The following MATK variants were observed in gnomAD, a reference collection of about 807,000 sequenced individuals.
MATK encodes megakaryocyte-associated tyrosine-protein kinase.
In MATK, 41 loss-of-function variants were observed where a neutral mutation model predicts 59.8. That is an observed-to-expected ratio of 0.69 (90% CI 0.53 to 0.89). The LOEUF (loss-of-function observed/expected upper bound fraction) is 0.89, where lower values mean the gene tolerates loss of function less well. Among genes scored for constraint, MATK ranks in the 40% least tolerant of loss-of-function variants. The probability of loss-of-function intolerance (pLI) is 0.00; values close to 1 mark genes in which losing one functional copy is unlikely to be tolerated. For missense variants in MATK, 593 were observed against 719.6 expected (o/e 0.82, Z 2.01); for synonymous variants, 308 against 306.1 (o/e 1.01, Z -0.06).
chr19:3,800,979 C>G (rs1221002306), intron 1 of MATK, among the ~76,000 whole-genome samples: 3 of 152,082 alleles, frequency 2.0e-5, no homozygotes, highest in Admixed American at 2.0e-4. Flanking sequence ...CCTGCCTCAG[C>G]CTCCTGAGTA....
chr19:3,784,260 G>T, intron 4 of MATK, 21 bp from the exon 5 acceptor site: 1 of 1,605,206 alleles, frequency 6.2e-7, no homozygotes, highest in Non-Finnish European at 8.5e-7. Flanking sequence ...GGAAGCACGG[G>T]GTTAGTGTGG....
intron 8 of MATK, among the ~76,000 whole-genome samples, chr19:3,780,365 T>C (rs2037383156): frequency 6.6e-6 from 1 of 152,170 alleles, no homozygotes; most frequent in African/African-American, 2.4e-5. Flanking sequence ...GGGCCAAATC[T>C]ACCTATCACC....
At position 3,778,219 on chromosome 19, in the gene MATK, G is replaced by A. The variant is rs373868622; in HGVS notation, c.1488C>T (p.Ala496=). 5.5e-4 allele frequency: 865 copies of A among 1,571,706 alleles called. 1 individual carries two copies. Among genetic ancestry groups the A allele is most frequent in the African/African-American group, 7.0e-4 (51 of 72,594 alleles). The change falls in exon 14 of 14, where the codon GCC becomes GCT. Residue 496 remains alanine, a synonymous_variant. Transcript: ENST00000310132. Reference sequence around the variant, plus strand: ...GGCTTCGGGGCGAGGTGGAGCCGTCGGCGTCCTGCCCTGAGACGGAGGCTG... The same window carrying A: ...GGCTTCGGGGCGAGGTGGAGCCGTCAGCGTCCTGCCCTGAGACGGAGGCTG... The part of the protein sequence containing the change: ...GAPASVSGQD[A]DGSTSPRSQE...
At chr19:3,797,206 A>C (rs1002123271) in intron 1 of MATK, among the ~76,000 whole-genome samples, 2 of 151,112 alleles carry the variant, frequency 1.3e-5, no homozygotes, top group African/African-American at 2.4e-5. Flanking sequence ...TCTTGGATTG[A>C]TGTTTTCATT....
At chr19:3,792,631 A>T (rs959652312) in intron 1 of MATK, among the ~76,000 whole-genome samples, 1 of 147,616 alleles carries the variant, frequency 6.8e-6, no homozygotes, top group Non-Finnish European at 1.5e-5. Context: ...CTCCTGCCTC[A>T]GCCTCCCGAG....
At chr19:3,788,116 T>G (rs1218473814), upstream of MATK, among the ~76,000 whole-genome samples, 1 of 146,486 alleles carries the variant, frequency 6.8e-6, no homozygotes, top group East Asian at 2.0e-4. Context: ...TATTATATTA[T>G]ATTATATTAT....
At chr19:3,791,581 G>T (rs1033774039) in intron 1 of MATK, among the ~76,000 whole-genome samples, 1 of 151,734 alleles carries the variant, frequency 6.6e-6, no homozygotes, top group Non-Finnish European at 1.5e-5. Flanking sequence ...GACCTCAGGC[G>T]ATCTGCCCGC....
In MATK at chr19:3,785,380, C is replaced by A. The variant is rs909154410; in HGVS notation, c.-151-94G>T. 10 of 856,008 alleles carry A rather than the reference C, an allele frequency of 1.2e-5. No individual in the cohort carries two copies. The East Asian group carries it at 2.6e-4, about 22-fold the overall frequency. The allele number at this position is 856,008 out of a possible 1,614,324, so 53.0% of individuals were successfully genotyped here. On this transcript the variant is annotated intron_variant, in intron 1 of 13. Coordinates refer to ENST00000310132, the MANE Select transcript of MATK (RefSeq NM_139355.3). ...CGTGGGGTGGAGCTGGGGGCAGGGG[C>A]GGGTCCTGTAGCCCTGCTGGGCTCC...
rs554442227 is a variant in MATK at position 3,795,582 on chromosome 19, A to G, written c.-58+5950T>C. 1.7e-3 allele frequency among the ~76,000 whole-genome samples: 261 copies of G among 151,468 alleles called. 1 individual carries two copies. Among genetic ancestry groups the G allele is most frequent in the African/African-American group, 6.2e-3 (254 of 41,266 alleles). On this transcript the variant is annotated intron_variant, in intron 1 of 13. Transcript: ENST00000395045. ...CATGCCCGGCCTCATATGACTTTTC[A>G]TATGTCATATAATATTGATTCCATT...
upstream of MATK, among the ~76,000 whole-genome samples, chr19:3,786,654 C>G (rs1289662593): frequency 6.6e-6 from 1 of 151,842 alleles, no homozygotes; most frequent in African/African-American, 2.4e-5. The surrounding 1 kb of genome is among the most constrained non-coding windows in gnomAD (Gnocchi z 4.1). Context: ...GCGCCAAGCC[C>G]GGACTCCCAG....
At chr19:3,800,529 C>T (rs989508175) in intron 1 of MATK, among the ~76,000 whole-genome samples, 6 of 151,934 alleles carry the variant, frequency 3.9e-5, no homozygotes, top group Non-Finnish European at 8.8e-5. Context: ...GCCTGTAATC[C>T]CAGCTACTCA....
chr19:3,795,927 A>G (rs1230468727), intron 1 of MATK, among the ~76,000 whole-genome samples: 1 of 151,314 alleles, frequency 6.6e-6, no homozygotes, highest in Non-Finnish European at 1.5e-5. Flanking sequence ...ACGCCTGGCT[A>G]ATTTTTGTAT....
chr19:3,790,936 G>T (rs1462420357), upstream of MATK, among the ~76,000 whole-genome samples: 1 of 152,156 alleles, frequency 6.6e-6, no homozygotes, highest in African/African-American at 2.4e-5. Context: ...TGCCTGAGAA[G>T]GAGGCCAGCC....
intron 10 of MATK, 22 bp from the exon 11 acceptor site, chr19:3,779,473 C>A: frequency 6.2e-7 from 1 of 1,612,672 alleles, no homozygotes; most frequent in Non-Finnish European, 8.5e-7. Flanking sequence ...GGGAGATGGC[C>A]GCGGGATGTT....
chr19:3,790,568 C>A (rs2037531226), upstream of MATK, among the ~76,000 whole-genome samples: 1 of 152,194 alleles, frequency 6.6e-6, no homozygotes, highest in Non-Finnish European at 1.5e-5. Context: ...ATCCAGGGCT[C>A]TTCATGTTTG....
In MATK at chr19:3,779,522, C is replaced by A. The variant is rs939080750; in HGVS notation, c.927+11G>T. ...TGCGTGGGCCCCCTCCCCGCCTGGG[C>A]CCCGCCCCACCTTGCTCACGTGCTC... On this transcript the variant is annotated intron_variant, in intron 10 of 13. Transcript: ENST00000310132. The A allele has an allele frequency of 1.2e-6, 2 of 1,610,776 alleles. No homozygotes were observed. Among genetic ancestry groups the A allele is most frequent in the Non-Finnish European group, 8.5e-7 (1 of 1,178,846 alleles).
At chr19:3,786,600 G>T (rs557431091), upstream of MATK, among the ~76,000 whole-genome samples, 808 of 141,406 alleles carry the variant, frequency 5.7e-3, 7 homozygotes, top group Non-Finnish European at 9.8e-3. The surrounding 1 kb of genome is among the most constrained non-coding windows in gnomAD (Gnocchi z 4.1). Flanking sequence ...GGCGGGGACC[G>T]GGGGTGAGGG....
At chr19:3,797,985 T>C (rs1383219588) in intron 1 of MATK, among the ~76,000 whole-genome samples, 1 of 151,962 alleles carries the variant, frequency 6.6e-6, no homozygotes, top group African/African-American at 2.4e-5. Flanking sequence ...AAGTTTGCAG[T>C]GAGCCAAGAA....
In MATK at chr19:3,786,266, T is replaced by C. The variant is rs573818115; in HGVS notation, c.-249A>G. 8.2e-5 allele frequency: 81 copies of C among 985,090 alleles called. No homozygotes were observed. In the East Asian group the frequency reaches 9.0e-3, roughly 109 times the overall value. 61.0% of individuals were successfully genotyped at this position (985,090 alleles called of 1,614,324 possible). On this transcript the variant is annotated 5_prime_UTR_variant, in exon 1 of 14. Transcript: ENST00000310132. The surrounding 1 kb of genome is among the most constrained non-coding windows in gnomAD (Gnocchi z 4.1). ...CCCGAGGCGGTCCCGGCTGCACAAC[T>C]TGGAGCGAGTTGCTCCGTTTCCTCA...
Sources: allele counts gnomAD v4.1 joint callset (sites outside exome capture counted in the v4.1 genomes callset), GRCh38; gene constraint gnomAD v4.1.1; non-coding constraint Gnocchi (gnomAD v3.1); transcripts MANE v1.5; gene names NCBI Gene and HGNC (gene_info 2026-07-23, HGNC 2026-07-21).